The following KCNMB3 variants were observed in gnomAD, a reference collection of about 807,000 sequenced individuals.
The protein encoded by KCNMB3 is calcium-activated potassium channel subunit beta-3.
KCNMB3 carries 18 observed loss-of-function variants against 11.9 expected under a neutral mutation model. That is an observed-to-expected ratio of 1.51 (90% confidence interval 1.04 to 2.23). KCNMB3 has a LOEUF of 2.23. Ranked by LOEUF, KCNMB3 falls within the 30% of genes most tolerant of loss-of-function variation. The pLI, the probability that KCNMB3 is intolerant of heterozygous loss-of-function variation, is 0.00. For missense variants in KCNMB3, 247 were observed against 329.4 expected (o/e 0.75, Z 1.94); for synonymous variants, 78 against 119.2 (o/e 0.65, Z 2.25).
chr3:179,265,793 C>G (rs928901438), intron 1 of KCNMB3, among the ~76,000 whole-genome samples: 1 of 152,216 alleles, frequency 6.6e-6, no homozygotes, highest in African/African-American at 2.4e-5. Flanking sequence ...CCAACACCCT[C>G]AGGCATCACT....
At position 179,258,984 on chromosome 3, in the gene KCNMB3, A is replaced by C. The variant is rs752724891; in HGVS notation, c.62+7665T>G. On this transcript the variant is annotated intron_variant, in intron 1 of 3. Transcript: ENST00000349697. ...AGAGAAAAGAGCCCCTCACACTCAG[A>C]CTTCCTGTGCACCACGCCTGCCGCC... 4.3e-6 allele frequency: 7 copies of C among 1,614,134 alleles called. No homozygotes were observed. The South Asian group carries it at 6.6e-5, about 15-fold the overall frequency.
In KCNMB3 at chr3:179,243,150, A is replaced by C; in HGVS notation, c.582T>G (p.Asp194Glu). The stretch of plus-strand genomic sequence containing the variant: ...GGTCATACTTTTTTATAAGAATGAC[A>C]TCTTCAGATTGGCTGGCTGGACTGT... ...CFYSPASQSEDVILIKKYDQM... is the reference protein window; with the variant it reads ...CFYSPASQSEEVILIKKYDQM... The change falls in exon 3 of 3, where the codon GAT (aspartate) becomes GAG (glutamate). Residue 194 changes from aspartate (D) to glutamate (E), a missense_variant. By Grantham distance (45) the Asp-to-Glu change is conservative. Around this residue, in one of 2 missense-constraint regions of KCNMB3, gnomAD observed 87 missense variants for 171.9 expected, o/e 0.51. Coordinates refer to ENST00000392685, the MANE Select transcript of KCNMB3 (RefSeq NM_171830.2). 6.5e-7 allele frequency: 1 copy of C among 1,531,786 alleles called. No individual in the cohort carries two copies. The highest frequency in any genetic ancestry group is 1.2e-5 in the South Asian group (1 of 82,832). 94.9% of individuals were successfully genotyped at this position (1,531,786 alleles called of 1,614,324 possible). A position where few individuals can be genotyped will look rare whatever the true frequency, so the allele number is the denominator to read the frequency against.
At chr3:179,261,232 A>G (rs1726197338) in intron 1 of KCNMB3, 1 of 1,344,218 alleles carries the variant, frequency 7.4e-7, no homozygotes, top group African/African-American at 1.5e-5. Flanking sequence ...CCGCGCTCAA[A>G]CAGTAGATCT....
At chr3:179,259,822 G>T in intron 1 of KCNMB3, 1 of 1,604,432 alleles carries the variant, frequency 6.2e-7, no homozygotes, top group South Asian at 1.1e-5. Flanking sequence ...GGTTCACTTT[G>T]AGTGTCTACT....
chr3:179,243,854 T>G (rs565845040), intron 2 of KCNMB3, among the ~76,000 whole-genome samples: 2 of 152,296 alleles, frequency 1.3e-5, no homozygotes, highest in South Asian at 4.1e-4. Flanking sequence ...TATTACCATA[T>G]CCATTAGGTA....
intron 1 of KCNMB3, among the ~76,000 whole-genome samples, chr3:179,265,853 G>C (rs1726358255): frequency 6.6e-6 from 1 of 152,154 alleles, no homozygotes; most frequent in African/African-American, 2.4e-5. Flanking sequence ...CCCAACCCTA[G>C]GGCAGGCAAA....
chr3:179,259,541 T>C, intron 1 of KCNMB3: 5 of 1,610,630 alleles, frequency 3.1e-6, no homozygotes, highest in Non-Finnish European at 4.2e-6. Flanking sequence ...TGCTTTCTGC[T>C]GCAATTTTCT....
chr3:179,264,056 T>G (rs978833963), intron 1 of KCNMB3, among the ~76,000 whole-genome samples: 1 of 152,138 alleles, frequency 6.6e-6, no homozygotes, highest in Non-Finnish European at 1.5e-5. Flanking sequence ...TCCACCTGCC[T>G]CGGCCTCCCA....
At chr3:179,248,796 T>G (rs1001614198) in intron 1 of KCNMB3, among the ~76,000 whole-genome samples, 1 of 151,904 alleles carries the variant, frequency 6.6e-6, no homozygotes, top group Non-Finnish European at 1.5e-5. Context: ...AATAAACAGT[T>G]GATTAAGACA....
intron 1 of KCNMB3, among the ~76,000 whole-genome samples, chr3:179,265,855 G>T (rs142350841): frequency 3.9e-5 from 6 of 152,314 alleles, no homozygotes; most frequent in African/African-American, 1.4e-4. Context: ...CAACCCTAGG[G>T]CAGGCAAAAG....
chr3:179,263,998 T>G (rs57134445), intron 1 of KCNMB3, among the ~76,000 whole-genome samples: 13,569 of 151,444 alleles, frequency 0.09, 920 homozygotes, highest in African/African-American at 0.19. Context: ...TAGAAACGGG[T>G]TTTCACCATG....
intron 1 of KCNMB3, chr3:179,259,659 G>A (rs1408998677): frequency 1.2e-6 from 2 of 1,608,610 alleles, no homozygotes; most frequent in Admixed American, 1.7e-5. Flanking sequence ...GTTCTGATAA[G>A]TTAACTCTTT....
chr3:179,256,061 G>A (rs1726001194), upstream of KCNMB3, among the ~76,000 whole-genome samples: 1 of 152,144 alleles, frequency 6.6e-6, no homozygotes, highest in African/African-American at 2.4e-5. Flanking sequence ...TTTACTCAAG[G>A]CAGAACGAAA....
intron 1 of KCNMB3, among the ~76,000 whole-genome samples, chr3:179,249,334 T>A (rs1725754799): frequency 2.1e-5 from 3 of 142,942 alleles, no homozygotes; most frequent in African/African-American, 5.1e-5. Flanking sequence ...CTTAAAAAAA[T>A]AAATAAATAA....
chr3:179,252,966 G>A (rs768432312), upstream of KCNMB3, among the ~76,000 whole-genome samples: 1 of 151,936 alleles, frequency 6.6e-6, no homozygotes, highest in Admixed American at 6.6e-5. Flanking sequence ...TCCTGACCTC[G>A]TGATCCACCC....
chr3:179,260,679 G>T, intron 1 of KCNMB3: 1 of 1,369,372 alleles, frequency 7.3e-7, no homozygotes, highest in Non-Finnish European at 1.0e-6. Context: ...TCTGAATTTA[G>T]GATTATTCCA....
upstream of KCNMB3, among the ~76,000 whole-genome samples, chr3:179,254,733 C>T (rs1019690784): frequency 1.5e-4 from 23 of 152,002 alleles, no homozygotes; most frequent in Admixed American, 1.4e-3. Context: ...AACAAGGAGT[C>T]GGAGGTTGCA....
intron 2 of KCNMB3, among the ~76,000 whole-genome samples, chr3:179,244,063 G>A (rs1034020773): frequency 6.6e-6 from 1 of 152,136 alleles, no homozygotes; most frequent in South Asian, 2.1e-4. Flanking sequence ...CTATTTCAGG[G>A]ATCATTTCTA....
chr3:179,265,104 G>C (rs1026325727), intron 1 of KCNMB3, among the ~76,000 whole-genome samples: 11 of 152,148 alleles, frequency 7.2e-5, no homozygotes, highest in Admixed American at 7.2e-4. Flanking sequence ...AAACTTGTTT[G>C]CTTGCATGTT....
Sources: allele counts gnomAD v4.1 joint callset (sites outside exome capture counted in the v4.1 genomes callset), GRCh38; gene constraint gnomAD v4.1.1; regional missense constraint gnomAD v4.1.1; transcripts MANE v1.5; gene names NCBI Gene and HGNC (gene_info 2026-07-23, HGNC 2026-07-21).